The following REEP6 variants were observed in gnomAD, a reference collection of about 807,000 sequenced individuals.
The protein encoded by REEP6 is receptor expression-enhancing protein 6.
Under a neutral mutation model 22.4 loss-of-function variants are expected in REEP6, and 19 were observed. The observed-to-expected ratio is 0.85, with a 90% CI of 0.59 to 1.25. The LOEUF is 1.25. REEP6 is among the 50% of genes most tolerant of loss of function. REEP6 has a pLI of 0.00. For missense variants in REEP6, 273 were observed against 251.9 expected (o/e 1.08, Z -0.57); for synonymous variants, 121 against 113.6 (o/e 1.06, Z -0.41).
Position 1,497,222 on chromosome 19 carries a change from T to A in REEP6, c.*11T>A. On this transcript the variant is annotated 3_prime_UTR_variant, in exon 5 of 5. Coordinates refer to ENST00000233596, the MANE Select transcript of REEP6 (RefSeq NM_138393.4). The surrounding 1 kb of genome is among the most constrained non-coding windows in gnomAD (Gnocchi z 6.5). The stretch of plus-strand genomic sequence containing the variant: ...CCGAAGGACAAGTGAAGCAGCCCCC[T>A]GAGCCTCACAAGGACCTCCTGGCTG... 1.5e-6 allele frequency: 2 copies of A among 1,315,814 alleles called. No homozygotes were observed. The highest frequency in any genetic ancestry group is 1.3e-5 in the South Asian group (1 of 77,248). 81.5% of individuals were successfully genotyped at this position (1,315,814 alleles called of 1,614,324 possible).
rs547381491 is a variant in REEP6 at position 1,491,929 on chromosome 19, G to A, written c.115+545G>A. 7.2e-5 allele frequency among the ~76,000 whole-genome samples: 11 copies of A among 152,326 alleles called. No homozygotes were observed. Among genetic ancestry groups the A allele is most frequent in the African/African-American group, 2.4e-4 (10 of 41,574 alleles). On this transcript the variant is annotated intron_variant, in intron 1 of 4. Transcript: ENST00000233596. The surrounding 1 kb of genome is among the most constrained non-coding windows in gnomAD (Gnocchi z 5.4). ...ATGTTTGTTAAGACGGAGTTGGGTT[G>A]TCTGACGGCTGTGATGTGGGGAGGC...
chr19:1,495,652 TG>T (rs1416481754), intron 3 of REEP6, 45 bp downstream of exon 3: 1 of 1,611,332 alleles, frequency 6.2e-7, no homozygotes, highest in Non-Finnish European at 8.5e-7. Flanking sequence ...GCATGGGGCT[TG>T]GGGATTCCTG....
Position 1,491,519 on chromosome 19 carries a change from A to C in REEP6, c.115+135A>C. ...AGCGCGCGAGGTGACTGGGACCTCG[A>C]GGTCCGCCCGCAGCCCTTCCCTTGC... On this transcript the variant is annotated intron_variant, in intron 1 of 4. Transcript: ENST00000233596. The surrounding 1 kb of genome is among the most constrained non-coding windows in gnomAD (Gnocchi z 5.4). 1.9e-6 allele frequency: 1 copy of C among 515,614 alleles called. No homozygotes were observed. The highest frequency in any genetic ancestry group is 3.2e-6 in the Non-Finnish European group (1 of 317,368). 31.9% of individuals were successfully genotyped at this position (515,614 alleles called of 1,614,324 possible). A position where few individuals can be genotyped will look rare whatever the true frequency, so the allele number is the denominator to read the frequency against.
chr19:1,496,951 C>T (rs781715807), intron 4 of REEP6, among the ~76,000 whole-genome samples: 7 of 152,110 alleles, frequency 4.6e-5, no homozygotes, highest in African/African-American at 7.2e-5. Context: ...CGTGTGAGTG[C>T]GTGCGTGTGC....
rs2085000033 is a variant in REEP6, at chr19:1,495,613, C to T, written c.348+6C>T. On this transcript the variant is annotated splice_donor_region_variant and intron_variant, in intron 3 of 4. Transcript: ENST00000233596. ...CTTTCTACTACGTGGGCAAGGTGGGCCCTGCCAGGGCGGGCACAGCCGTGG... is the reference window on the plus strand; with the variant it reads ...CTTTCTACTACGTGGGCAAGGTGGGTCCTGCCAGGGCGGGCACAGCCGTGG... The T allele has an allele frequency of 2.5e-6, 4 of 1,613,862 alleles. No individual in the cohort carries two copies. The highest frequency in any genetic ancestry group is 1.7e-5 in the Admixed American group (1 of 60,008).
At chr19:1,495,644 A>G in intron 3 of REEP6, 37 bp downstream of exon 3, 1 of 1,613,170 alleles carries the variant, frequency 6.2e-7, no homozygotes. Context: ...CGTGGAGCGC[A>G]TGGGGCTTGG....
rs1342750857 is a variant in REEP6, at chr19:1,495,617, G to C, written c.348+10G>C. On this transcript the variant is annotated intron_variant, in intron 3 of 4. Transcript: ENST00000233596. ...CTACTACGTGGGCAAGGTGGGCCCTGCCAGGGCGGGCACAGCCGTGGAGCG... is the reference window on the plus strand; with the variant it reads ...CTACTACGTGGGCAAGGTGGGCCCTCCCAGGGCGGGCACAGCCGTGGAGCG... 6.2e-7 allele frequency: 1 copy of C among 1,613,838 alleles called. No homozygotes were observed. Among genetic ancestry groups the C allele is most frequent in the Non-Finnish European group, 8.5e-7 (1 of 1,179,984 alleles).
At position 1,497,208 on chromosome 19, in the gene REEP6, G is replaced by C. The variant is rs1019240076; in HGVS notation, c.552G>C (p.Lys184Asn). The C allele has an allele frequency of 7.3e-7, 1 of 1,369,534 alleles. No individual in the cohort carries two copies. The highest frequency in any genetic ancestry group is 9.6e-7 in the Non-Finnish European group (1 of 1,039,538). The allele number at this position is 1,369,534 out of a possible 1,614,324, so 84.8% of individuals were successfully genotyped here. The change falls in exon 5 of 5, where the codon AAG (lysine) becomes AAC (asparagine). Residue 184 changes from lysine (K) to asparagine (N), a missense_variant. Lys to Asn is a moderately conservative substitution (Grantham distance 94). Coordinates refer to ENST00000233596, the MANE Select transcript of REEP6 (RefSeq NM_138393.4). This position sits in a 1 kb window ranked among gnomAD's most constrained non-coding sequence, Gnocchi z 6.5. The stretch of plus-strand genomic sequence containing the variant: ...GCCAGACCCCGCAGCCGAAGGACAA[G>C]TGAAGCAGCCCCCTGAGCCTCACAA... ...KPSQTPQPKD[K>N] is the part of the protein sequence containing the mutation.
Position 1,491,199 on chromosome 19 carries a change from G to T in REEP6, c.-71G>T, listed in dbSNP as rs921252920. The T allele has an allele frequency of 4.6e-6, 5 of 1,096,380 alleles. No homozygotes were observed. The highest frequency in any genetic ancestry group is 2.6e-4 in the Middle Eastern group (1 of 3,806). 67.9% of individuals were successfully genotyped at this position (1,096,380 alleles called of 1,614,324 possible). A position where few individuals can be genotyped will look rare whatever the true frequency, so the allele number is the denominator to read the frequency against. On this transcript the variant is annotated 5_prime_UTR_variant, in exon 1 of 5. Coordinates refer to ENST00000233596, the MANE Select transcript of REEP6 (RefSeq NM_138393.4). The surrounding 1 kb of genome is among the most constrained non-coding windows in gnomAD (Gnocchi z 5.4). ...GCGGCTCAGGCTGCGGGAAAGCGGT[G>T]CGCGTGCAGCGGGGTGGGTGCCCTG...
intron 1 of REEP6, among the ~76,000 whole-genome samples, chr19:1,495,078 G>A (rs1040442664): frequency 2.6e-5 from 4 of 152,240 alleles, no homozygotes; most frequent in African/African-American, 9.6e-5. Flanking sequence ...CCCGGTGGGG[G>A]ACATGGACAC....
At chr19:1,494,836 C>T (rs557616055) in intron 1 of REEP6, among the ~76,000 whole-genome samples, 2 of 152,212 alleles carry the variant, frequency 1.3e-5, no homozygotes, top group Non-Finnish European at 2.9e-5. Flanking sequence ...AGGCACACAC[C>T]GCCATGCCTG....
chr19:1,491,425 C>A lies in REEP6; in HGVS notation c.115+41C>A. 2 of 1,325,158 alleles carry A rather than the reference C, an allele frequency of 1.5e-6. No homozygotes were observed. Among genetic ancestry groups the A allele is most frequent in the Non-Finnish European group, 2.0e-6 (2 of 1,012,930 alleles). 82.1% of individuals were successfully genotyped at this position (1,325,158 alleles called of 1,614,324 possible). On this transcript the variant is annotated intron_variant, in intron 1 of 4. Transcript: ENST00000233596. This position sits in a 1 kb window ranked among gnomAD's most constrained non-coding sequence, Gnocchi z 5.4. ...TAGCCCGTTTCGCCGACGGGCACAC[C>A]GAGGCCATGGGCCTGGGGGTCGCAG... is the stretch of plus-strand genomic sequence containing the variant.
At chr19:1,492,934 G>A (rs558482027) in intron 1 of REEP6, among the ~76,000 whole-genome samples, 3 of 152,238 alleles carry the variant, frequency 2.0e-5, no homozygotes, top group Admixed American at 6.5e-5. Context: ...CATCCCTGGG[G>A]CTAGTGGGCA....
rs2085015006 is a variant in REEP6 at position 1,497,074 on chromosome 19, T to G, written c.518-100T>G. On this transcript the variant is annotated intron_variant, in intron 4 of 4. Transcript: ENST00000233596. The surrounding 1 kb of genome is among the most constrained non-coding windows in gnomAD (Gnocchi z 6.5). ...AGGGTGGCTGCCCGGCCCCTCGACT[T>G]GTCATGCTCATAGCCAGTAGCCTCA... 6 of 1,025,612 alleles carry G rather than the reference T, an allele frequency of 5.9e-6. 1 individual carries two copies. The African/African-American group carries it at 6.5e-5, about 11-fold the overall frequency. The allele number at this position is 1,025,612 out of a possible 1,614,324, so 63.5% of individuals were successfully genotyped here. A position where few individuals can be genotyped will look rare whatever the true frequency, so the allele number is the denominator to read the frequency against.
chr19:1,494,920 G>A (rs936468479), intron 1 of REEP6, among the ~76,000 whole-genome samples: 3 of 152,092 alleles, frequency 2.0e-5, no homozygotes, highest in African/African-American at 7.2e-5. Context: ...TCCTGACCTC[G>A]TGATCCACCT....
In REEP6 at chr19:1,496,456, G is replaced by A. The variant is rs925827378; in HGVS notation, c.517+3G>A. 3 of 1,609,770 alleles carry A rather than the reference G, an allele frequency of 1.9e-6. No individual in the cohort carries two copies. The highest frequency in any genetic ancestry group is 2.5e-6 in the Non-Finnish European group (3 of 1,177,528). ...GGCGGCCGGAATAACCAGGAACGGT[G>A]GGTGCTCGCAGGCGCCTGGCTGCCT... On this transcript the variant is annotated splice_donor_region_variant and intron_variant, in intron 4 of 4. Coordinates refer to ENST00000233596, the MANE Select transcript of REEP6 (RefSeq NM_138393.4).
chr19:1,493,708 G>GACACAAACACACAC (rs2084983963), intron 1 of REEP6, among the ~76,000 whole-genome samples: 1 of 140,666 alleles, frequency 7.1e-6, no homozygotes, highest in African/African-American at 2.6e-5. Context: ...GGCTGAGCTG[G>GACACAAACACACAC]ACACACACAC....
At chr19:1,496,746 A>G (rs2085011843) in intron 4 of REEP6, 4 of 630,856 alleles carry the variant, frequency 6.3e-6, no homozygotes, top group Admixed American at 4.3e-5. Flanking sequence ...GTTTGAGCGT[A>G]TGTTTGCTGT....
intron 1 of REEP6, 22 bp from the exon 2 acceptor site, chr19:1,495,272 C>T (rs1300502165): frequency 1.2e-6 from 2 of 1,608,428 alleles, no homozygotes; most frequent in East Asian, 2.2e-5. Context: ...AGCCCTGGCA[C>T]ACCACCGCCT....
Sources: allele counts gnomAD v4.1 joint callset (sites outside exome capture counted in the v4.1 genomes callset), GRCh38; gene constraint gnomAD v4.1.1; non-coding constraint Gnocchi (gnomAD v3.1); transcripts MANE v1.5; gene names NCBI Gene and HGNC (gene_info 2026-07-23, HGNC 2026-07-21).